Variants in ME3 observed in about 807,000 individuals in gnomAD.
ME3 encodes malic enzyme 3.
In ME3, 48 loss-of-function variants were observed where a neutral mutation model predicts 68.9. That is an observed-to-expected ratio of 0.70 (90% confidence interval 0.55 to 0.89). ME3 has a LOEUF of 0.89. Ranked by LOEUF, ME3 falls within the 40% of genes least tolerant of loss-of-function variation. The pLI is 0.00. For missense variants in ME3, 675 were observed against 797.4 expected (o/e 0.85, Z 1.85); for synonymous variants, 320 against 318.8 (o/e 1.00, Z -0.04).
chr11:86,617,045 G>GGT (rs1943007630), intron 2 of ME3, among the ~76,000 whole-genome samples: 1 of 56,300 alleles, frequency 1.8e-5, no homozygotes, highest in African/African-American at 6.6e-5. Context: ...CAAGATAGTA[G>GGT]TTTTTTTTTT....
intron 2 of ME3, among the ~76,000 whole-genome samples, chr11:86,661,872 GTAT>G (rs1946306118): frequency 8.8e-6 from 1 of 113,834 alleles, no homozygotes; most frequent in African/African-American, 3.4e-5. Flanking sequence ...GTATTGTATT[GTAT>G]TGTATTGTAT....
intron 2 of ME3, among the ~76,000 whole-genome samples, chr11:86,600,049 AAAAT>A (rs200714457): frequency 0.17 from 25,368 of 152,006 alleles, 2,418 homozygotes; most frequent in East Asian, 0.39. Flanking sequence ...ACTAATGAGC[AAAAT>A]AAATAACCAG....
rs181492480 is a variant in ME3 at position 86,592,509 on chromosome 11, C to T, written c.184-32686G>A. 4.6e-4 allele frequency among the ~76,000 whole-genome samples: 70 copies of T among 152,320 alleles called. No individual in the cohort carries two copies. The East Asian group carries it at 8.5e-3, about 18-fold the overall frequency. ...TCCTCTAGCCACAGTGACTTCATTACTACATCTGAGGGGAGAGAAGTGTGA... is the reference window on the plus strand; with the variant it reads ...TCCTCTAGCCACAGTGACTTCATTATTACATCTGAGGGGAGAGAAGTGTGA... On this transcript the variant is annotated intron_variant, in intron 2 of 14. Coordinates refer to ENST00000543262, the Ensembl canonical transcript of ME3.
At chr11:86,472,356 C>T (rs534141006) in intron 7 of ME3, among the ~76,000 whole-genome samples, 71 of 152,060 alleles carry the variant, frequency 4.7e-4, no homozygotes, top group African/African-American at 1.4e-3. Context: ...AGGAAGGTGG[C>T]GGGTGTTTTA....
chr11:86,632,930 A>G (rs1158687707), intron 2 of ME3, among the ~76,000 whole-genome samples: 1 of 152,188 alleles, frequency 6.6e-6, no homozygotes, highest in African/African-American at 2.4e-5. Flanking sequence ...TTCAGTCCTC[A>G]TGCATGAGTC....
At chr11:86,665,094 A>C (rs1946510327) in intron 2 of ME3, among the ~76,000 whole-genome samples, 1 of 152,218 alleles carries the variant, frequency 6.6e-6, no homozygotes, top group Admixed American at 6.5e-5. Flanking sequence ...GCCTTAGCAG[A>C]TGTCTCTTTG....
At chr11:86,599,110 T>C (rs1433026363) in intron 2 of ME3, among the ~76,000 whole-genome samples, 3 of 152,204 alleles carry the variant, frequency 2.0e-5, no homozygotes, top group African/African-American at 7.2e-5. Flanking sequence ...AGAATGACTT[T>C]GACGAGTTGA....
At chr11:86,490,590 A>G (rs1951941859) in intron 6 of ME3, among the ~76,000 whole-genome samples, 1 of 152,222 alleles carries the variant, frequency 6.6e-6, no homozygotes, top group African/African-American at 2.4e-5. Flanking sequence ...ACAAATTTGT[A>G]AGAGACTATT....
chr11:86,597,630 C>T (rs1959741613), intron 2 of ME3, among the ~76,000 whole-genome samples: 1 of 152,122 alleles, frequency 6.6e-6, no homozygotes, highest in Admixed American at 6.5e-5. Context: ...TGGGAAATGC[C>T]TTTGAGCAAG....
At chr11:86,657,643 T>G (rs1945992644) in intron 2 of ME3, among the ~76,000 whole-genome samples, 2 of 152,210 alleles carry the variant, frequency 1.3e-5, no homozygotes, top group Admixed American at 1.3e-4. Flanking sequence ...AATGCAGCCC[T>G]GCAGTTCACA....
chr11:86,493,176 C>T (rs990141146), intron 6 of ME3, among the ~76,000 whole-genome samples: 7 of 152,184 alleles, frequency 4.6e-5, no homozygotes, highest in Admixed American at 4.6e-4. Context: ...TTGTCAACTC[C>T]ATGCTTCCTT....
At chr11:86,637,349 C>CAAAAAAAAAAA (rs11402713) in intron 2 of ME3, among the ~76,000 whole-genome samples, 6 of 122,064 alleles carry the variant, frequency 4.9e-5, no homozygotes, top group Non-Finnish European at 8.4e-5. Context: ...ACAAGAAGCA[C>CAAAAAAAAAAA]AAAAAAAAAA....
chr11:86,538,276 T>G (rs958394030), intron 4 of ME3, among the ~76,000 whole-genome samples: 4 of 152,202 alleles, frequency 2.6e-5, no homozygotes, highest in African/African-American at 9.7e-5. Context: ...GATTCAGGTT[T>G]GAATACTGCT....
At chr11:86,589,122 G>A (rs1344903609) in intron 2 of ME3, among the ~76,000 whole-genome samples, 5 of 152,146 alleles carry the variant, frequency 3.3e-5, no homozygotes, top group Admixed American at 3.3e-4. Flanking sequence ...CTTATTTTGG[G>A]TGCAGACTGG....
intron 2 of ME3, among the ~76,000 whole-genome samples, chr11:86,597,972 G>A (rs1959816569): frequency 6.6e-6 from 1 of 152,150 alleles, no homozygotes; most frequent in Non-Finnish European, 1.5e-5. Flanking sequence ...GAGGAGCCAA[G>A]ATGGCCGAAT....
intron 2 of ME3, among the ~76,000 whole-genome samples, chr11:86,617,403 T>A (rs1943050827): frequency 6.6e-6 from 1 of 152,132 alleles, no homozygotes; most frequent in Non-Finnish European, 1.5e-5. Context: ...AAACTCAATA[T>A]AAAGAAGACA....
At chr11:86,571,632 C>G (rs537871544) in intron 2 of ME3, among the ~76,000 whole-genome samples, 1 of 152,156 alleles carries the variant, frequency 6.6e-6, no homozygotes, top group African/African-American at 2.4e-5. Flanking sequence ...GCAGATCTTT[C>G]CCACATGGCG....
At chr11:86,461,266 G>A (rs538262412) in intron 8 of ME3, among the ~76,000 whole-genome samples, 131 of 152,306 alleles carry the variant, frequency 8.6e-4, no homozygotes, top group Middle Eastern at 3.4e-3. Context: ...AACCCCCTGG[G>A]CTTCAGTTTC....
intron 2 of ME3, among the ~76,000 whole-genome samples, chr11:86,649,348 G>A (rs937297372): frequency 6.6e-6 from 1 of 152,122 alleles, no homozygotes; most frequent in Non-Finnish European, 1.5e-5. Flanking sequence ...CAAACCCACA[G>A]CCAATATCAT....
Sources: allele counts gnomAD v4.1 joint callset (sites outside exome capture counted in the v4.1 genomes callset), GRCh38; gene constraint gnomAD v4.1.1; transcripts MANE v1.5; gene names NCBI Gene and HGNC (gene_info 2026-07-23, HGNC 2026-07-21).